The following COPB2 variants were observed in gnomAD, a reference collection of about 807,000 sequenced individuals.
COPB2 encodes coatomer subunit beta'.
In COPB2, 16 loss-of-function variants were observed where a neutral mutation model predicts 120.8. That is an observed-to-expected ratio of 0.13 (90% CI 0.09 to 0.20). COPB2 has a LOEUF of 0.20. Ranked by LOEUF, COPB2 falls within the 10% of genes least tolerant of loss-of-function variation. The pLI, the probability that COPB2 is intolerant of heterozygous loss-of-function variation, is 1.00. For missense variants in COPB2, 794 were observed against 1,076.5 expected (o/e 0.74, Z 3.67); for synonymous variants, 332 against 366.3 (o/e 0.91, Z 1.07).
chr3:139,370,541 G>T (rs1941605327), intron 10 of COPB2, among the ~76,000 whole-genome samples: 1 of 152,202 alleles, frequency 6.6e-6, no homozygotes, highest in South Asian at 2.1e-4. Flanking sequence ...TCTGTCTTCT[G>T]TAAATTATAC....
rs1942012390 is a variant in COPB2, at chr3:139,389,537, T to C, written c.3+11A>G. ...TGGGACCCCGCTCCCTTCTACGGGA[T>C]CTGGACCTACCATGGCTGCGTCGGT... On this transcript the variant is annotated intron_variant, in intron 1 of 21. Transcript: ENST00000333188. The C allele has an allele frequency of 3.8e-6, 6 of 1,573,264 alleles. No homozygotes were observed. The highest frequency in any genetic ancestry group is 5.2e-6 in the Non-Finnish European group (6 of 1,152,000).
rs1941768969 is a variant in COPB2, at chr3:139,379,418, T to C, written c.190A>G (p.Lys64Glu). 1 of 1,614,028 alleles carries C rather than the reference T, an allele frequency of 6.2e-7. No individual in the cohort carries two copies. Among genetic ancestry groups the C allele is most frequent in the Admixed American group, 1.7e-5 (1 of 60,002 alleles). The change falls in exon 3 of 22, where the codon AAG becomes GAG. Residue 64 changes from lysine (K) to glutamate (E), a missense_variant. Physicochemically the swap from Lys to Glu is moderately conservative, Grantham distance 56 (BLOSUM62 1). This residue lies in a region of COPB2 where 610 missense variants were observed against 866.7 expected (regional missense o/e 0.70). Coordinates refer to ENST00000333188, the MANE Select transcript of COPB2 (RefSeq NM_004766.3). ...EVCDLPVRAA[K>E]FVARKNWVVT... The stretch of plus-strand genomic sequence containing the variant: ...ACCCAATTCTTCCTTGCAACAAACT[T>C]TGCAGCTCGAACAGGAAGATCACAT...
intron 5 of COPB2, among the ~76,000 whole-genome samples, chr3:139,377,038 C>T (rs1373398635): frequency 2.6e-5 from 4 of 151,882 alleles, no homozygotes; most frequent in Admixed American, 2.0e-4. Context: ...CGTGAGCCAC[C>T]GTGCCTGGCA....
At chr3:139,375,307 C>T (rs1941693231) in intron 6 of COPB2, among the ~76,000 whole-genome samples, 161 bp downstream of exon 6, 1 of 152,114 alleles carries the variant, frequency 6.6e-6, no homozygotes, top group African/African-American at 2.4e-5. Context: ...GCATTGTTTT[C>T]ATTTTTATGG....
chr3:139,374,619 T>C (rs374572815), intron 6 of COPB2, 31 bp from the exon 7 acceptor site: 7 of 1,577,798 alleles, frequency 4.4e-6, no homozygotes, highest in East Asian at 4.5e-5. Flanking sequence ...ACATGTTTTA[T>C]TAATGAAAAA....
At chr3:139,360,833 G>A (rs1159415747) in intron 17 of COPB2, among the ~76,000 whole-genome samples, 1 of 152,168 alleles carries the variant, frequency 6.6e-6, no homozygotes, top group Non-Finnish European at 1.5e-5. Flanking sequence ...GTTGAAGAAG[G>A]TGTTTAACAT....
intron 2 of COPB2, chr3:139,381,982 C>G (rs1941825027): frequency 6.6e-6 from 1 of 151,158 alleles, no homozygotes. Flanking sequence ...AACACAAATA[C>G]TGAACTAGTG....
chr3:139,385,110 T>G (rs1015305903), intron 1 of COPB2: 1 of 152,572 alleles, frequency 6.6e-6, no homozygotes, highest in Admixed American at 6.5e-5. Context: ...TGATCTCTGC[T>G]CACTGAAACC....
At chr3:139,358,146 T>C (rs1941327612) in intron 21 of COPB2, 54 bp downstream of exon 21, 1 of 1,471,840 alleles carries the variant, frequency 6.8e-7, no homozygotes, top group Non-Finnish European at 9.5e-7. Context: ...CCTCCAGATA[T>C]TGATGGGGAG....
rs769349606 is a variant in COPB2 at position 139,379,034 on chromosome 3, G to C, written c.355+13C>G. The C allele has an allele frequency of 6.4e-7, 1 of 1,567,770 alleles. No individual in the cohort carries two copies. The highest frequency in any genetic ancestry group is 2.1e-5 in the Admixed American group (1 of 48,018). Reference sequence around the variant, plus strand: ...CAAAGAGACGCACATGACCAAAAAAGGTCATCTCTTACCACTGCTAGTTAG... The same window carrying C: ...CAAAGAGACGCACATGACCAAAAAACGTCATCTCTTACCACTGCTAGTTAG... On this transcript the variant is annotated intron_variant, in intron 4 of 21. Coordinates refer to ENST00000333188, the MANE Select transcript of COPB2 (RefSeq NM_004766.3).
At chr3:139,375,289 C>G (rs1941693015) in intron 6 of COPB2, among the ~76,000 whole-genome samples, 179 bp downstream of exon 6, 1 of 152,070 alleles carries the variant, frequency 6.6e-6, no homozygotes, top group Admixed American at 6.6e-5. Context: ...TTTTTAAAAT[C>G]TTGATATGCA....
chr3:139,381,523 A>G (rs1269965812), intron 2 of COPB2: 1 of 152,230 alleles, frequency 6.6e-6, no homozygotes, highest in Admixed American at 6.5e-5. Context: ...ACAGTGGGAA[A>G]TAAGATGAGG....
rs527371713 is a variant in COPB2 at position 139,368,252 on chromosome 3, C to T, written c.1438G>A (p.Ala480Thr). ...AGGATAAAAAATGATTCCTCAGTAG[C>T]AATACAGACTAGCTCTCCAGAGTCA... ...WSDSGELVCIATEESFFILKY... is the reference protein window; with the variant it reads ...WSDSGELVCITTEESFFILKY... The change falls in exon 13 of 22, where the codon GCT (alanine) becomes ACT (threonine). Residue 480 changes from alanine (A) to threonine (T), a missense_variant. Around this residue, in one of 3 missense-constraint regions of COPB2, gnomAD observed 610 missense variants for 866.7 expected, o/e 0.70. Coordinates refer to ENST00000333188, the MANE Select transcript of COPB2 (RefSeq NM_004766.3). 3.7e-6 allele frequency: 6 copies of T among 1,613,566 alleles called. No individual in the cohort carries two copies. The African/African-American group carries it at 5.3e-5, about 14-fold the overall frequency.
Position 139,362,449 on chromosome 3 carries a change from A to G in COPB2, c.1953T>C (p.Leu651=). ...ACTGGTATGCAATTTTTAACTCTCC[A>G]AGCTGAAGAGCAAGCTCAAAACGAT... is the stretch of plus-strand genomic sequence containing the variant. ...PEHRFELALQ[L]GELKIAYQLA... Residue 651 remains leucine, a synonymous_variant, in exon 16 of 22, where the codon CTT becomes CTC. Transcript: ENST00000333188. The G allele has an allele frequency of 6.2e-7, 1 of 1,612,504 alleles. No individual in the cohort carries two copies. Among genetic ancestry groups the G allele is most frequent in the Non-Finnish European group, 8.5e-7 (1 of 1,179,200 alleles).
At position 139,389,557 on chromosome 3, in the gene COPB2, G is replaced by C; in HGVS notation, c.-7C>G. ...CGGGATCTGGACCTACCATGGCTGC[G>C]TCGGTCCAATCCCGGGAACCCTCGT... On this transcript the variant is annotated 5_prime_UTR_variant, in exon 1 of 22. Coordinates refer to ENST00000333188, the MANE Select transcript of COPB2 (RefSeq NM_004766.3). 2 of 1,576,782 alleles carry C rather than the reference G, an allele frequency of 1.3e-6. No homozygotes were observed. The highest frequency in any genetic ancestry group is 2.3e-5 in the East Asian group (1 of 42,880).
chr3:139,388,066 A>G (rs997106396), intron 1 of COPB2, among the ~76,000 whole-genome samples: 3 of 152,240 alleles, frequency 2.0e-5, no homozygotes, highest in South Asian at 2.1e-4. Flanking sequence ...TGAAGGCAAT[A>G]TTTCATTATA....
intron 17 of COPB2, among the ~76,000 whole-genome samples, chr3:139,360,181 G>A (rs1941385239): frequency 1.2e-5 from 1 of 84,916 alleles, no homozygotes; most frequent in African/African-American, 3.8e-5. Flanking sequence ...ATATGGCGAA[G>A]TATGGGATTG....
In COPB2 at chr3:139,369,374, G is replaced by A. The variant is rs1941581388; in HGVS notation, c.1295-7C>T. 1.2e-6 allele frequency: 2 copies of A among 1,610,808 alleles called. No individual in the cohort carries two copies. Among genetic ancestry groups the A allele is most frequent in the Non-Finnish European group, 8.5e-7 (1 of 1,178,754 alleles). On this transcript the variant is annotated splice_region_variant and splice_polypyrimidine_tract_variant and intron_variant, in intron 11 of 21. Transcript: ENST00000333188. ...AAGAAGCCGCCGTAGATACCTAAAG[G>A]GAACATAAAAAGAGTTTTGCTTAGG... is the stretch of plus-strand genomic sequence containing the variant.
chr3:139,361,536 A>G (rs552156171), intron 16 of COPB2, among the ~76,000 whole-genome samples: 5 of 152,302 alleles, frequency 3.3e-5, no homozygotes, highest in African/African-American at 1.2e-4. Flanking sequence ...TCGTCAACCC[A>G]TTATACTTTT....
Sources: gnomAD v4.1 joint callset for allele counts (sites outside exome capture counted in the v4.1 genomes callset) on GRCh38, gnomAD v4.1.1 for gene constraint, gnomAD v4.1.1 regional missense constraint, MANE v1.5 for transcripts, NCBI Gene and HGNC (gene_info 2026-07-23, HGNC 2026-07-21) for gene names.